NAA50: variants seen among roughly 807,000 people sequenced by gnomAD.
NAA50 encodes N-alpha-acetyltransferase 50, NatE catalytic subunit.
In NAA50, 7 loss-of-function variants were observed where a neutral mutation model predicts 20.7. That is an observed-to-expected ratio of 0.34 (90% CI 0.19 to 0.63). NAA50 has a LOEUF of 0.63. Among genes scored for constraint, NAA50 ranks in the 30% least tolerant of loss-of-function variants. NAA50 has a pLI of 0.75. For missense variants in NAA50, 111 were observed against 199.1 expected (o/e 0.56, Z 2.66); for synonymous variants, 54 against 70.6 (o/e 0.77, Z 1.18).
intron 1 of NAA50, among the ~76,000 whole-genome samples, chr3:113,728,926 T>TC (rs542008287): frequency 7.2e-4 from 109 of 152,300 alleles, no homozygotes; most frequent in African/African-American, 2.5e-3. Context: ...ATATGTTAAC[T>TC]CCAAGTCTTT....
chr3:113,737,060 T>C (rs1257978231), intron 1 of NAA50, among the ~76,000 whole-genome samples: 3 of 152,146 alleles, frequency 2.0e-5, no homozygotes, highest in Non-Finnish European at 2.9e-5. Flanking sequence ...CAGACAGTTA[T>C]GGATAAAGCC....
chr3:113,728,059 G>A (rs1186282370), intron 1 of NAA50, among the ~76,000 whole-genome samples: 1 of 146,606 alleles, frequency 6.8e-6, no homozygotes, highest in Non-Finnish European at 1.5e-5. Flanking sequence ...GTAAATATAA[G>A]TTAGCAAGGA....
intron 1 of NAA50, among the ~76,000 whole-genome samples, chr3:113,727,541 G>C (rs1455757187): frequency 6.6e-6 from 1 of 151,854 alleles, no homozygotes; most frequent in African/African-American, 2.4e-5. Flanking sequence ...CATTAGGGTG[G>C]CCAGATAAAG....
chr3:113,739,859 C>T (rs1220824261), intron 1 of NAA50, among the ~76,000 whole-genome samples: 2 of 152,092 alleles, frequency 1.3e-5, no homozygotes, highest in East Asian at 1.9e-4. Context: ...AGCACAGGAC[C>T]GTCCAACAGA....
chr3:113,725,007 G>A (rs1037439089), intron 1 of NAA50, among the ~76,000 whole-genome samples: 1 of 152,098 alleles, frequency 6.6e-6, no homozygotes, highest in Non-Finnish European at 1.5e-5. Flanking sequence ...ACCCAGTCTC[G>A]GGTATGTCTT....
intron 1 of NAA50, among the ~76,000 whole-genome samples, chr3:113,724,406 A>G (rs1708175925): frequency 6.6e-6 from 1 of 152,202 alleles, no homozygotes; most frequent in African/African-American, 2.4e-5. Context: ...ATTTAGATAC[A>G]CCTATTTCTG....
At chr3:113,734,435 G>T (rs1238131531) in intron 1 of NAA50, among the ~76,000 whole-genome samples, 1 of 151,956 alleles carries the variant, frequency 6.6e-6, no homozygotes, top group Non-Finnish European at 1.5e-5. Context: ...ACCGGTACAT[G>T]TACCCCCTGG....
chr3:113,727,352 G>T (rs1049468542), intron 1 of NAA50, among the ~76,000 whole-genome samples: 1 of 152,158 alleles, frequency 6.6e-6, no homozygotes, highest in Non-Finnish European at 1.5e-5. Context: ...ATAAATGAAA[G>T]AACTTGAGGT....
intron 2 of NAA50, 87 bp from the exon 3 acceptor site, chr3:113,723,628 T>C (rs1708162951): frequency 7.5e-7 from 1 of 1,341,752 alleles, no homozygotes; most frequent in Non-Finnish European, 1.0e-6. Context: ...ACACTGTTCC[T>C]ATCAACATTA....
At chr3:113,743,133 A>C (rs2107996761) in intron 1 of NAA50, among the ~76,000 whole-genome samples, 1 of 152,326 alleles carries the variant, frequency 6.6e-6, no homozygotes, top group East Asian at 1.9e-4. Flanking sequence ...TGGAGGAAAG[A>C]CATGCCAATA....
intron 1 of NAA50, among the ~76,000 whole-genome samples, chr3:113,736,154 T>C (rs899702805): frequency 6.6e-6 from 1 of 152,238 alleles, no homozygotes; most frequent in African/African-American, 2.4e-5. Flanking sequence ...CTGTAGAAAA[T>C]TGAAGACAGT....
At chr3:113,743,129 A>C (rs186301436) in intron 1 of NAA50, among the ~76,000 whole-genome samples, 1 of 152,226 alleles carries the variant, frequency 6.6e-6, no homozygotes, top group African/African-American at 2.4e-5. Flanking sequence ...TCTATGGAGG[A>C]AAGACATGCC....
intron 1 of NAA50, among the ~76,000 whole-genome samples, chr3:113,725,343 T>TTAACA (rs1284783847): frequency 6.6e-6 from 1 of 152,224 alleles, no homozygotes; most frequent in Non-Finnish European, 1.5e-5. Flanking sequence ...TCAACTATAT[T>TTAACA]TAACAACGGA....
chr3:113,741,745 A>T (rs1001591057), intron 1 of NAA50, among the ~76,000 whole-genome samples: 2 of 152,214 alleles, frequency 1.3e-5, no homozygotes, highest in African/African-American at 2.4e-5. Context: ...GAAAGTATTG[A>T]TTATTCTTTG....
Position 113,745,928 on chromosome 3 carries a change from C to T in NAA50, c.8+14G>A, listed in dbSNP as rs1040266228. 5 of 1,604,872 alleles carry T rather than the reference C, an allele frequency of 3.1e-6. No individual in the cohort carries two copies. Among genetic ancestry groups the T allele is most frequent in the East Asian group, 2.2e-5 (1 of 44,660 alleles). On this transcript the variant is annotated intron_variant, in intron 1 of 4. Coordinates refer to ENST00000240922, the MANE Select transcript of NAA50 (RefSeq NM_025146.4). ...ACCCCACCGGCCGGGCCCTGCCCGGCTGCCCTTCCTCACCCTTTCATCTTC... is the reference window on the plus strand; with the variant it reads ...ACCCCACCGGCCGGGCCCTGCCCGGTTGCCCTTCCTCACCCTTTCATCTTC...
intron 1 of NAA50, among the ~76,000 whole-genome samples, chr3:113,742,711 C>T (rs1708435059): frequency 6.6e-6 from 1 of 152,132 alleles, no homozygotes. Flanking sequence ...AAATGGCTCC[C>T]TTTACTATTC....
At chr3:113,731,004 T>G (rs763568919) in intron 1 of NAA50, among the ~76,000 whole-genome samples, 1 of 152,216 alleles carries the variant, frequency 6.6e-6, no homozygotes, top group African/African-American at 2.4e-5. Context: ...CATCAGCATT[T>G]GGCATTGTTA....
intron 1 of NAA50, among the ~76,000 whole-genome samples, chr3:113,743,631 A>G (rs898716796): frequency 2.0e-5 from 3 of 152,220 alleles, no homozygotes; most frequent in Non-Finnish European, 4.4e-5. Context: ...CTCATCTGGG[A>G]GTTAGTTCAT....
intron 1 of NAA50, among the ~76,000 whole-genome samples, chr3:113,742,196 C>T (rs530844638): frequency 1.3e-5 from 2 of 152,282 alleles, no homozygotes; most frequent in South Asian, 2.1e-4. Context: ...TCAAATGCTA[C>T]GTCAGCCTGA....
Sources: allele counts gnomAD v4.1 joint callset (sites outside exome capture counted in the v4.1 genomes callset), GRCh38; gene constraint gnomAD v4.1.1; transcripts MANE v1.5; gene names NCBI Gene and HGNC (gene_info 2026-07-23, HGNC 2026-07-21).